Variants in NT5C1B observed in about 807,000 individuals in gnomAD.
NT5C1B encodes 5'-nucleotidase, cytosolic IB.
NT5C1B carries 44 observed loss-of-function variants against 57.8 expected under a neutral mutation model. That is an observed-to-expected ratio of 0.76 (90% CI 0.60 to 0.98). The LOEUF (loss-of-function observed/expected upper bound fraction) is 0.98. NT5C1B is among the 50% of genes least tolerant of loss of function. The pLI, the probability that NT5C1B is intolerant of heterozygous loss-of-function variation, is 0.00. For synonymous variants in NT5C1B, 284 were observed against 282.6 expected, an observed-to-expected ratio of 1.00 and a Z score of -0.05; for missense variants, 742 against 719.5, an observed-to-expected ratio of 1.03 and a Z score of -0.36.
rs181521882 is a variant in NT5C1B, at chr2:18,586,807, G to A, written c.121-416C>T. 3.7e-3 allele frequency: 3,790 copies of A among 1,017,480 alleles called. 12 individuals are homozygous for A. Among genetic ancestry groups the A allele is most frequent in the Non-Finnish European group, 4.7e-3 (3,344 of 713,834 alleles). The allele number at this position is 1,017,480 out of a possible 1,614,324, so 63.0% of individuals were successfully genotyped here. On this transcript the variant is annotated intron_variant, in intron 2 of 8. Transcript: ENST00000304081. ...GTGAGGGCAACTGGTGCCCCACTGA[G>A]GTTGCAGGGGGACTCTAAGGCAGCT...
intron 8 of NT5C1B, among the ~76,000 whole-genome samples, chr2:18,574,838 A>T (rs924735422): frequency 2.2e-4 from 33 of 152,242 alleles, no homozygotes; most frequent in African/African-American, 7.5e-4. Context: ...TACAAAAAAA[A>T]TTTTAAAAGA....
Position 18,584,589 on chromosome 2 carries a change from G to A in NT5C1B, c.648C>T (p.Asp216=). 1 of 1,612,508 alleles carries A rather than the reference G, an allele frequency of 6.2e-7. No homozygotes were observed. Among genetic ancestry groups the A allele is most frequent in the East Asian group, 2.2e-5 (1 of 44,808 alleles). Residue 216 remains aspartate, a synonymous_variant, in exon 4 of 9, where the codon GAC becomes GAT. Transcript: ENST00000304081. This position sits in a 1 kb window ranked among gnomAD's most constrained non-coding sequence, Gnocchi z 5.8. ...ATGCCCAGTAGGCAGCCTCGTAGTC[G>A]TCCTCGTCCTCCCGCTGCTGCTGCT... is the stretch of plus-strand genomic sequence containing the variant.
intron 8 of NT5C1B, among the ~76,000 whole-genome samples, chr2:18,568,290 G>A (rs1198399162): frequency 6.6e-6 from 1 of 152,108 alleles, no homozygotes; most frequent in East Asian, 1.9e-4. Flanking sequence ...AAAGTGCTGG[G>A]AGAAACACAC....
chr2:18,577,003 C>T (rs569710939), intron 6 of NT5C1B, 108 bp from the exon 7 acceptor site: 49 of 1,547,814 alleles, frequency 3.2e-5, no homozygotes, highest in African/African-American at 1.7e-4. Flanking sequence ...GTAAATTCAA[C>T]TGGCTTTATT....
Position 18,584,500 on chromosome 2 carries a change from G to T in NT5C1B, c.723+14C>A. Reference sequence around the variant, plus strand: ...AAGGGCGCCCCGGCTGCCAGGGGCGGCGGGCTGGCTCACCGGCCAGGGGCG... The same window carrying T: ...AAGGGCGCCCCGGCTGCCAGGGGCGTCGGGCTGGCTCACCGGCCAGGGGCG... On this transcript the variant is annotated intron_variant, in intron 4 of 8. Coordinates refer to ENST00000304081, the Ensembl canonical transcript of NT5C1B. The surrounding 1 kb of genome is among the most constrained non-coding windows in gnomAD (Gnocchi z 5.8). 6.2e-7 allele frequency: 1 copy of T among 1,603,106 alleles called. No homozygotes were observed. The highest frequency in any genetic ancestry group is 8.5e-7 in the Non-Finnish European group (1 of 1,175,586).
chr2:18,568,087 G>GACACACACACACACACACAC (rs3046807), intron 8 of NT5C1B, among the ~76,000 whole-genome samples: 4 of 142,706 alleles, frequency 2.8e-5, no homozygotes, highest in East Asian at 2.1e-4. Context: ...AATGCTGTGG[G>GACACACACACACACACACAC]ACACACACAC....
intron 2 of NT5C1B, 65 bp downstream of exon 2, chr2:18,587,438 C>G: frequency 6.3e-7 from 1 of 1,594,090 alleles, no homozygotes; most frequent in South Asian, 1.1e-5. Context: ...TCCCTGCCCC[C>G]TAACATTTTC....
intron 6 of NT5C1B, among the ~76,000 whole-genome samples, chr2:18,580,451 T>TA (rs1666083075): frequency 6.6e-6 from 1 of 151,990 alleles, no homozygotes; most frequent in South Asian, 2.1e-4. Flanking sequence ...CTGTCTCTAC[T>TA]AAAAAAATAC....
chr2:18,579,603 T>G (rs752486202), intron 6 of NT5C1B, among the ~76,000 whole-genome samples: 2 of 152,100 alleles, frequency 1.3e-5, no homozygotes. Flanking sequence ...AAGATTGAAA[T>G]GGGACCCCTT....
intron 8 of NT5C1B, among the ~76,000 whole-genome samples, chr2:18,573,385 G>A (rs1665382362): frequency 2.0e-5 from 3 of 151,770 alleles, no homozygotes; most frequent in African/African-American, 7.3e-5. Context: ...TTGTTAAAAT[G>A]AAATTATCCA....
intron 2 of NT5C1B, chr2:18,586,716 C>G: frequency 1.7e-6 from 1 of 586,910 alleles, no homozygotes; most frequent in East Asian, 3.2e-5. Flanking sequence ...CACTTCTTCC[C>G]TCGAGGATAA....
At chr2:18,578,249 A>G (rs1665881338) in intron 6 of NT5C1B, among the ~76,000 whole-genome samples, 1 of 151,904 alleles carries the variant, frequency 6.6e-6, no homozygotes, top group African/African-American at 2.4e-5. Context: ...TGGAGGAGAG[A>G]CTCCTCCCTG....
chr2:18,582,979 C>T, exon 6 of NT5C1B: 1 of 1,613,712 alleles, frequency 6.2e-7, no homozygotes, highest in Non-Finnish European at 8.5e-7. Context: ...CGGAGTCTAG[C>T]ATTGACATAC....
At chr2:18,572,107 C>G (rs1187034605) in intron 8 of NT5C1B, among the ~76,000 whole-genome samples, 1 of 139,096 alleles carries the variant, frequency 7.2e-6, no homozygotes, top group African/African-American at 2.6e-5. Context: ...AAAAAAAGAA[C>G]TACTATAAAA....
At chr2:18,575,216 G>C (rs774268119) in intron 8 of NT5C1B, among the ~76,000 whole-genome samples, 1 of 151,946 alleles carries the variant, frequency 6.6e-6, no homozygotes, top group East Asian at 1.9e-4. Flanking sequence ...ATATAACAAA[G>C]AATTTTCTTA....
At chr2:18,565,879 T>G (rs928620881) in intron 8 of NT5C1B, among the ~76,000 whole-genome samples, 1 of 152,206 alleles carries the variant, frequency 6.6e-6, no homozygotes. Context: ...ATGCTGGGTC[T>G]TCTTTACCTG....
intron 8 of NT5C1B, among the ~76,000 whole-genome samples, chr2:18,574,171 G>C (rs533902473): frequency 6.6e-6 from 1 of 152,174 alleles, no homozygotes; most frequent in East Asian, 1.9e-4. Flanking sequence ...GACTTGAATA[G>C]ACATTTCTCT....
intron 5 of NT5C1B, chr2:18,583,492 C>T (rs1666367002): frequency 4.0e-6 from 1 of 247,070 alleles, no homozygotes; most frequent in South Asian, 5.4e-5. Flanking sequence ...ATGTATCCTG[C>T]CCATGCTTTT....
intron 8 of NT5C1B, among the ~76,000 whole-genome samples, chr2:18,574,019 G>C (rs181164566): frequency 3.9e-5 from 6 of 152,208 alleles, no homozygotes; most frequent in Admixed American, 3.9e-4. Flanking sequence ...GGAAACAACA[G>C]AGTGAAAAGG....
Sources: allele counts gnomAD v4.1 joint callset (sites outside exome capture counted in the v4.1 genomes callset), GRCh38; gene constraint gnomAD v4.1.1; non-coding constraint Gnocchi (gnomAD v3.1); transcripts MANE v1.5; gene names NCBI Gene and HGNC (gene_info 2026-07-23, HGNC 2026-07-21).